ST3GAL3: variants seen among roughly 807,000 people sequenced by gnomAD.
The protein encoded by ST3GAL3 is CMP-N-acetylneuraminate-beta-1,4-galactoside alpha-2,3-sialyltransferase.
In ST3GAL3, 21 loss-of-function variants were observed where a neutral mutation model predicts 50.1. That is an observed-to-expected ratio of 0.42 (90% CI 0.30 to 0.60). ST3GAL3 has a LOEUF of 0.60. Among genes scored for constraint, ST3GAL3 ranks in the 20% least tolerant of loss-of-function variants. The pLI is 0.19. For missense variants in ST3GAL3, 353 were observed against 489.4 expected, an observed-to-expected ratio of 0.72 and a Z score of 2.63; for synonymous variants, 183 against 190.0, an observed-to-expected ratio of 0.96 and a Z score of 0.30.
At chr1:43,913,284 G>A (rs1260087873) in intron 9 of ST3GAL3, 1 of 152,212 alleles carries the variant, frequency 6.6e-6, no homozygotes, top group Non-Finnish European at 1.5e-5. Context: ...GATTTATTGA[G>A]CTTGCTGTAT....
At chr1:43,781,296 C>T (rs1357775510) in intron 2 of ST3GAL3, among the ~76,000 whole-genome samples, 1 of 152,104 alleles carries the variant, frequency 6.6e-6, no homozygotes, top group Non-Finnish European at 1.5e-5. Flanking sequence ...TTTGTGTGAC[C>T]TGACTTAAAA....
intron 5 of ST3GAL3, among the ~76,000 whole-genome samples, chr1:43,862,741 C>T (rs1336965473): frequency 1.6e-5 from 2 of 128,302 alleles, no homozygotes; most frequent in Non-Finnish European, 3.2e-5. Flanking sequence ...GACTCTGTCT[C>T]TACCAAAAAA....
intron 2 of ST3GAL3, among the ~76,000 whole-genome samples, chr1:43,776,425 T>C (rs1451259454): frequency 6.6e-6 from 1 of 152,184 alleles, no homozygotes; most frequent in Non-Finnish European, 1.5e-5. Flanking sequence ...TAATATTCCA[T>C]TATAGGATAA....
intron 5 of ST3GAL3, among the ~76,000 whole-genome samples, chr1:43,867,531 T>C (rs1185737695): frequency 6.6e-6 from 1 of 152,168 alleles, no homozygotes; most frequent in Non-Finnish European, 1.5e-5. Context: ...AGAGTTAAAG[T>C]GGGAGTTATC....
At chr1:43,721,295 CTTTTTTT>C (rs35508020) in intron 1 of ST3GAL3, among the ~76,000 whole-genome samples, 6 of 99,844 alleles carry the variant, frequency 6.0e-5, no homozygotes, top group Non-Finnish European at 1.2e-4. Context: ...ATAATTAAAC[CTTTTTTT>C]TTTTTTTTTT....
At chr1:43,783,386 T>C (rs1015401029) in intron 2 of ST3GAL3, among the ~76,000 whole-genome samples, 3 of 152,166 alleles carry the variant, frequency 2.0e-5, no homozygotes, top group African/African-American at 7.2e-5. Flanking sequence ...CTTTACCCCC[T>C]TGTCCTCCTG....
chr1:43,713,410 G>A (rs957881568), intron 1 of ST3GAL3, among the ~76,000 whole-genome samples: 1 of 151,680 alleles, frequency 6.6e-6, no homozygotes, highest in Non-Finnish European at 1.5e-5. Flanking sequence ...ACAAGTAATA[G>A]TTTAATAATA....
chr1:43,755,675 C>T (rs983826013), intron 2 of ST3GAL3, among the ~76,000 whole-genome samples: 9 of 151,718 alleles, frequency 5.9e-5, no homozygotes, highest in Non-Finnish European at 1.2e-4. Flanking sequence ...ACTATATGGA[C>T]GAGACTTAGA....
intron 5 of ST3GAL3, among the ~76,000 whole-genome samples, chr1:43,848,297 T>TC (rs1328839269): frequency 4.6e-4 from 65 of 142,194 alleles, no homozygotes; most frequent in Non-Finnish European, 8.1e-4. Context: ...TGGTTTTCTT[T>TC]TTTTTTTTTT....
At chr1:43,914,199 G>A (rs947663388) in intron 9 of ST3GAL3, 7 of 152,238 alleles carry the variant, frequency 4.6e-5, no homozygotes, top group Admixed American at 2.0e-4. Flanking sequence ...AACAGACCAA[G>A]AGGGATTGTT....
intron 2 of ST3GAL3, among the ~76,000 whole-genome samples, chr1:43,760,469 A>G (rs758047724): frequency 2.6e-5 from 4 of 152,254 alleles, no homozygotes; most frequent in Non-Finnish European, 5.9e-5. Context: ...TAAAAGATCT[A>G]TTCAGGCCAG....
At chr1:43,722,324 C>T (rs192459558) in intron 1 of ST3GAL3, among the ~76,000 whole-genome samples, 52 of 152,294 alleles carry the variant, frequency 3.4e-4, no homozygotes, top group African/African-American at 1.2e-3. Context: ...AAGTTGAAAA[C>T]ACTGAGAGAA....
chr1:43,798,656 C>T (rs1055944283), intron 3 of ST3GAL3, among the ~76,000 whole-genome samples: 15 of 152,306 alleles, frequency 9.8e-5, no homozygotes, highest in Admixed American at 2.6e-4. Flanking sequence ...TAAAGTAGTC[C>T]ACTCCTCTAA....
intron 9 of ST3GAL3, 29 bp from the exon 10 acceptor site, chr1:43,920,375 G>T (rs377624037): frequency 2.5e-6 from 4 of 1,613,978 alleles, no homozygotes; most frequent in Non-Finnish European, 2.5e-6. Flanking sequence ...TGTGTGCCTC[G>T]TTGAGGCCCG....
chr1:43,718,834 C>T (rs1668855284), intron 1 of ST3GAL3, among the ~76,000 whole-genome samples: 1 of 151,864 alleles, frequency 6.6e-6, no homozygotes, highest in Non-Finnish European at 1.5e-5. Flanking sequence ...ATTACAGGGG[C>T]CCACCACCAC....
At chr1:43,805,407 G>C (rs1297382760) in intron 3 of ST3GAL3, among the ~76,000 whole-genome samples, 1 of 152,214 alleles carries the variant, frequency 6.6e-6, no homozygotes, top group Non-Finnish European at 1.5e-5. Context: ...GGAAACCCAA[G>C]GGGCTTGTTT....
At chr1:43,736,193 A>T in intron 1 of ST3GAL3, 40 bp from the exon 2 acceptor site, 1 of 1,544,024 alleles carries the variant, frequency 6.5e-7, no homozygotes. Flanking sequence ...CAATAAGATG[A>T]GTGCTTTGTC....
intron 4 of ST3GAL3, among the ~76,000 whole-genome samples, chr1:43,832,854 A>T (rs2063727425): frequency 6.6e-6 from 1 of 152,190 alleles, no homozygotes; most frequent in Admixed American, 6.5e-5. Flanking sequence ...AGGAAGGTAG[A>T]AGATGGAATT....
At chr1:43,855,348 G>A (rs1396902517) in intron 5 of ST3GAL3, among the ~76,000 whole-genome samples, 2 of 152,102 alleles carry the variant, frequency 1.3e-5, no homozygotes, top group African/African-American at 2.4e-5. Context: ...AGTGGCTCAC[G>A]CCTGTGATCC....
Sources: allele counts gnomAD v4.1 joint callset (sites outside exome capture counted in the v4.1 genomes callset), GRCh38; gene constraint gnomAD v4.1.1; transcripts MANE v1.5; gene names NCBI Gene and HGNC (gene_info 2026-07-23, HGNC 2026-07-21).